The following GRIN2A variants were observed in gnomAD, a reference collection of about 807,000 sequenced individuals.
The protein encoded by GRIN2A is glutamate ionotropic receptor NMDA type subunit 2A.
Under a neutral mutation model 113.4 loss-of-function variants are expected in GRIN2A, and 22 were observed. That is an observed-to-expected ratio of 0.19 (90% CI 0.14 to 0.28). The LOEUF is 0.28. Ranked by LOEUF, GRIN2A falls within the 10% of genes least tolerant of loss-of-function variation. GRIN2A has a pLI of 1.00. For synonymous variants in GRIN2A, 827 were observed against 738.4 expected, an observed-to-expected ratio of 1.12 and a Z score of -1.94; for missense variants, 1,502 against 1,887.0, an observed-to-expected ratio of 0.80 and a Z score of 3.78.
In GRIN2A at chr16:10,176,003, CT is replaced by C. The variant is rs34994079; in HGVS notation, c.414+3994del. 8.3e-3 allele frequency among the ~76,000 whole-genome samples: 1,049 copies of C among 125,828 alleles called. 4 individuals are homozygous for C. Among genetic ancestry groups the C allele is most frequent in the African/African-American group, 0.02 (690 of 34,472 alleles). The allele number at this position is 125,828 out of a possible 152,430, so 82.5% of individuals were successfully genotyped here. A position where few individuals can be genotyped will look rare whatever the true frequency, so the allele number is the denominator to read the frequency against. On this transcript the variant is annotated intron_variant, in intron 2 of 12. Transcript: ENST00000330684. ...TTATTTATTGATTTTAATTTTCCTT[CT>C]TTTTTTTTTTTTTTTTTTGAGACAA...
At chr16:9,941,060 G>C (rs893532357) in intron 2 of GRIN2A, among the ~76,000 whole-genome samples, 1 of 152,200 alleles carries the variant, frequency 6.6e-6, no homozygotes, top group African/African-American at 2.4e-5. Flanking sequence ...AGTCACCAGA[G>C]TTACCTTCTG....
At chr16:9,814,698 A>T (rs1238855750) in intron 10 of GRIN2A, among the ~76,000 whole-genome samples, 1 of 152,104 alleles carries the variant, frequency 6.6e-6, no homozygotes, top group African/African-American at 2.4e-5. Context: ...GACTACCTAC[A>T]TCTGAATCAC....
intron 2 of GRIN2A, among the ~76,000 whole-genome samples, chr16:10,170,975 G>C (rs1039315245): frequency 6.6e-6 from 1 of 152,026 alleles, no homozygotes; most frequent in Non-Finnish European, 1.5e-5. Flanking sequence ...GGTATGGGGG[G>C]AACCTCCAGT....
chr16:9,938,232 G>C lies in GRIN2A; in HGVS notation c.734C>G (p.Ser245Cys), dbSNP rs574122648. 2 of 1,613,386 alleles carry C rather than the reference G, an allele frequency of 1.2e-6. No homozygotes were observed. The highest frequency in any genetic ancestry group is 1.7e-5 in the Admixed American group (1 of 60,022). Residue 245 changes from serine (S) to cysteine (C), a missense_variant, in exon 3 of 13, where the codon TCC (serine) becomes TGC (cysteine). By Grantham distance (112) the Ser-to-Cys change is moderately radical (BLOSUM62 -1). Transcript: ENST00000330684. Reference protein sequence around the residue: ...EAVLILSEARSLGLTGYDFFW... With the variant: ...EAVLILSEARCLGLTGYDFFW... Reference sequence around the variant, plus strand: ...GAAATCATACCCGGTGAGGCCAAGGGAGCGGGCCTCACTCAGAATGAGAAC... The same window carrying C: ...GAAATCATACCCGGTGAGGCCAAGGCAGCGGGCCTCACTCAGAATGAGAAC...
intron 10 of GRIN2A, among the ~76,000 whole-genome samples, chr16:9,819,269 C>T (rs964210116): frequency 6.6e-6 from 1 of 152,038 alleles, no homozygotes; most frequent in African/African-American, 2.4e-5. Context: ...CCTGTAATCC[C>T]AGCACTTTGA....
At chr16:10,090,836 A>G (rs973134761) in intron 2 of GRIN2A, among the ~76,000 whole-genome samples, 1 of 152,218 alleles carries the variant, frequency 6.6e-6, no homozygotes, top group Non-Finnish European at 1.5e-5. Flanking sequence ...CTACAACTCA[A>G]TAATAAAACA....
chr16:10,114,253 G>C (rs2048684049), intron 2 of GRIN2A, among the ~76,000 whole-genome samples: 2 of 152,176 alleles, frequency 1.3e-5, no homozygotes, highest in African/African-American at 4.8e-5. Flanking sequence ...CACACAGTGA[G>C]ACTGTGCTCT....
In GRIN2A at chr16:9,754,370, G is replaced by T. The variant is rs1214711827; in HGVS notation, c.*8779C>A. The T allele has an allele frequency of 4.8e-6, 1 of 208,910 alleles. No individual in the cohort carries two copies. Among genetic ancestry groups the T allele is most frequent in the Non-Finnish European group, 9.7e-6 (1 of 102,686 alleles). The allele number at this position is 208,910 out of a possible 1,614,324, so 12.9% of individuals were successfully genotyped here. On this transcript the variant is annotated 3_prime_UTR_variant, in exon 13 of 13. Coordinates refer to ENST00000330684, the MANE Select transcript of GRIN2A (RefSeq NM_001134407.3). ...AGCCACATCTAACTATGTCACTGCTGTGTCAAGCAGTTTTCTGAATTTTCT... is the reference window on the plus strand; with the variant it reads ...AGCCACATCTAACTATGTCACTGCTTTGTCAAGCAGTTTTCTGAATTTTCT...
intron 10 of GRIN2A, among the ~76,000 whole-genome samples, chr16:9,818,422 C>T (rs957244896): frequency 2.0e-5 from 3 of 150,766 alleles, no homozygotes; most frequent in Admixed American, 6.6e-5. Flanking sequence ...TTTTGAATTA[C>T]GTCTCAAAAT....
chr16:9,891,569 C>T (rs140346254), intron 3 of GRIN2A, among the ~76,000 whole-genome samples: 2 of 152,224 alleles, frequency 1.3e-5, no homozygotes, highest in African/African-American at 4.8e-5. Context: ...AACATAATTC[C>T]CACCCTCAAG....
intron 2 of GRIN2A, among the ~76,000 whole-genome samples, chr16:10,095,864 T>C (rs1356926090): frequency 1.3e-5 from 2 of 152,094 alleles, no homozygotes; most frequent in Admixed American, 6.6e-5. Context: ...TTCAGTGATA[T>C]TCCTACAAAA....
chr16:10,048,511 T>G (rs564622619), intron 2 of GRIN2A, among the ~76,000 whole-genome samples: 1 of 152,212 alleles, frequency 6.6e-6, no homozygotes, highest in Non-Finnish European at 1.5e-5. Flanking sequence ...TGTGGGGACA[T>G]GTTGCCTGCA....
intron 2 of GRIN2A, among the ~76,000 whole-genome samples, chr16:9,950,304 C>A (rs927206913): frequency 6.6e-6 from 1 of 152,178 alleles, no homozygotes; most frequent in Admixed American, 6.5e-5. Flanking sequence ...CATATCCTCA[C>A]CTAAAGCTTT....
intron 2 of GRIN2A, among the ~76,000 whole-genome samples, chr16:10,171,998 C>T (rs996427691): frequency 2.0e-5 from 3 of 152,196 alleles, no homozygotes; most frequent in African/African-American, 7.2e-5. Context: ...TTGATAATGA[C>T]ATTCTTTAAA....
intron 2 of GRIN2A, among the ~76,000 whole-genome samples, chr16:10,126,484 A>G (rs1174738796): frequency 6.6e-6 from 1 of 152,184 alleles, no homozygotes; most frequent in African/African-American, 2.4e-5. Context: ...ACCGTATTTC[A>G]AATATTTTGC....
chr16:9,997,852 T>C (rs542833316), intron 2 of GRIN2A, among the ~76,000 whole-genome samples: 3 of 152,340 alleles, frequency 2.0e-5, no homozygotes, highest in Admixed American at 6.5e-5. Flanking sequence ...CCTGCCACCA[T>C]GTAAGACATG....
chr16:10,180,312 G>C lies in GRIN2A; in HGVS notation c.100C>G (p.Leu34Val). The change falls in exon 2 of 13, where the codon CTA becomes GTA. Residue 34 changes from leucine (L) to valine (V), a missense_variant. Physicochemically the swap from Leu to Val is conservative, Grantham distance 32. Around this residue, in one of 7 missense-constraint regions of GRIN2A, gnomAD observed 149 missense variants for 179.1 expected, o/e 0.83. Coordinates refer to ENST00000330684, the MANE Select transcript of GRIN2A (RefSeq NM_001134407.3). This position sits in a 1 kb window ranked among gnomAD's most constrained non-coding sequence, Gnocchi z 7.0. ...TGACCCAGCATCACCGCAATATTTA[G>C]CGCGGGGGGACCCTTCTCCGCCGCC... ...SAAAEKGPPA[L>V]NIAVMLGHSH... The C allele has an allele frequency of 6.2e-7, 1 of 1,611,534 alleles. No homozygotes were observed. Among genetic ancestry groups the C allele is most frequent in the African/African-American group, 1.3e-5 (1 of 75,054 alleles).
rs1441081090 is a variant in GRIN2A at position 9,764,970 on chromosome 16, C to T, written c.2596-22G>A. On this transcript the variant is annotated intron_variant, in intron 12 of 12. Transcript: ENST00000330684. Reference sequence around the variant, plus strand: ...TGCCCTGTAGGGGAGCAACATAAAGCACTGTCAGCAGCAGCAGCAGTGAAC... The same window carrying T: ...TGCCCTGTAGGGGAGCAACATAAAGTACTGTCAGCAGCAGCAGCAGTGAAC... The T allele has an allele frequency of 2.5e-6, 4 of 1,613,658 alleles. No homozygotes were observed. The Admixed American group carries it at 5.0e-5, about 20-fold the overall frequency.
chr16:10,134,349 G>A (rs574054974), intron 2 of GRIN2A, among the ~76,000 whole-genome samples: 1 of 152,006 alleles, frequency 6.6e-6, no homozygotes, highest in African/African-American at 2.4e-5. Context: ...GGTAATATGT[G>A]TTTCCAGCCT....
Sources: allele counts gnomAD v4.1 joint callset (sites outside exome capture counted in the v4.1 genomes callset), GRCh38; gene constraint gnomAD v4.1.1; regional missense constraint gnomAD v4.1.1; non-coding constraint Gnocchi (gnomAD v3.1); transcripts MANE v1.5; gene names NCBI Gene and HGNC (gene_info 2026-07-23, HGNC 2026-07-21).